Variants in ABCC11 observed in about 807,000 individuals in gnomAD.
The protein encoded by ABCC11 is ATP-binding cassette sub-family C member 11.
In ABCC11, 135 loss-of-function variants were observed where a neutral mutation model predicts 149.3. The observed-to-expected ratio is 0.90, with a 90% CI of 0.79 to 1.04. The LOEUF (loss-of-function observed/expected upper bound fraction) is 1.04, where lower values mean the gene tolerates loss of function less well. Ranked by LOEUF, ABCC11 falls within the 50% of genes least tolerant of loss-of-function variation. The pLI is 0.00. For missense variants in ABCC11, 1,680 were observed against 1,722.1 expected, an observed-to-expected ratio of 0.98 and a Z score of 0.43; for synonymous variants, 665 against 671.4, an observed-to-expected ratio of 0.99 and a Z score of 0.15.
chr16:48,220,479 C>A (rs1180291430), intron 6 of ABCC11, among the ~76,000 whole-genome samples: 2 of 152,188 alleles, frequency 1.3e-5, no homozygotes, highest in East Asian at 3.8e-4. Flanking sequence ...ACAGGGAGAT[C>A]TTTTAGCTGT....
At chr16:48,224,467 G>A (rs1305350988) in intron 4 of ABCC11, 38 bp from the exon 5 acceptor site, 16 of 1,603,086 alleles carry the variant, frequency 1.0e-5, no homozygotes, top group Non-Finnish European at 1.4e-5. Flanking sequence ...GAATCTCTTT[G>A]CATGTGACAT....
intron 6 of ABCC11, among the ~76,000 whole-genome samples, chr16:48,221,917 T>C (rs1481428911): frequency 7.3e-6 from 1 of 137,192 alleles, no homozygotes; most frequent in African/African-American, 2.7e-5. Context: ...AATTTTTGTC[T>C]TTTTTTTTTT....
At chr16:48,197,358 A>G (rs964600473) in intron 17 of ABCC11, among the ~76,000 whole-genome samples, 1 of 152,140 alleles carries the variant, frequency 6.6e-6, no homozygotes, top group Non-Finnish European at 1.5e-5. Flanking sequence ...GGAGCCTACA[A>G]TGTGACAGGT....
In ABCC11 at chr16:48,167,606, T is replaced by C. The variant is rs1965419208; in HGVS notation, c.3946A>G (p.Ile1316Val). The C allele has an allele frequency of 6.2e-7, 1 of 1,612,374 alleles. No individual in the cohort carries two copies. The highest frequency in any genetic ancestry group is 8.5e-7 in the Non-Finnish European group (1 of 1,179,986). ...ASIDMETDTL[I>V]QRTIREAFQG... ...AAGGCTTCACGGATTGTGCGCTGGATCAGGGTGTCTGTCTCCATGTCAATG... is the reference window on the plus strand; with the variant it reads ...AAGGCTTCACGGATTGTGCGCTGGACCAGGGTGTCTGTCTCCATGTCAATG... Residue 1316 changes from isoleucine (I) to valine (V), a missense_variant, in exon 29 of 30, where the codon ATC (isoleucine) becomes GTC (valine). Ile to Val is a conservative substitution (Grantham distance 29). Coordinates refer to ENST00000356608, the MANE Select transcript of ABCC11 (RefSeq NM_001370497.1).
At chr16:48,220,645 T>C (rs1567278101) in intron 6 of ABCC11, among the ~76,000 whole-genome samples, 1 of 152,230 alleles carries the variant, frequency 6.6e-6, no homozygotes. Context: ...GTTGGTTCTA[T>C]TATTATTCCA....
rs1217483837 is a variant in ABCC11, at chr16:48,230,522, C to T, written c.151G>A (p.Glu51Lys). The change falls in exon 3 of 30, where the codon GAG becomes AAG. Residue 51 changes from glutamate to lysine, a missense_variant. By Grantham distance (56) the Glu-to-Lys change is moderately conservative. Transcript: ENST00000356608. The part of the protein sequence containing the change: ...GPWSQQERNP[E>K]APGRAAVPPW... The stretch of plus-strand genomic sequence containing the variant: ...GGGACAGCTGCCCTCCCTGGAGCCT[C>T]AGGATTTCTCTCTTGCTGACTCCAG... 1.9e-6 allele frequency: 3 copies of T among 1,612,532 alleles called. No individual in the cohort carries two copies. The East Asian group carries it at 6.7e-5, about 36-fold the overall frequency.
At chr16:48,217,461 G>T (rs28696036) in intron 6 of ABCC11, among the ~76,000 whole-genome samples, 21,737 of 152,018 alleles carry the variant, frequency 0.14, 2,046 homozygotes, top group African/African-American at 0.27. Context: ...CCAGGCACGG[G>T]GGCACATGCC....
chr16:48,182,610 T>C (rs1015664718), intron 23 of ABCC11, among the ~76,000 whole-genome samples: 7 of 151,906 alleles, frequency 4.6e-5, no homozygotes, highest in African/African-American at 1.7e-4. Flanking sequence ...AAATCCCATC[T>C]CTACTAAAAA....
At chr16:48,173,398 A>G (rs1480581400) in intron 26 of ABCC11, among the ~76,000 whole-genome samples, 3 of 152,168 alleles carry the variant, frequency 2.0e-5, no homozygotes, top group Non-Finnish European at 4.4e-5. Context: ...CATCTGTAAA[A>G]TGGGGATAAT....
chr16:48,169,942 C>A (rs562408856), intron 28 of ABCC11, among the ~76,000 whole-genome samples, 163 bp downstream of exon 28: 1 of 150,186 alleles, frequency 6.7e-6, no homozygotes, highest in Non-Finnish European at 1.5e-5. Flanking sequence ...TGAATAAGCC[C>A]TTTGGATTCT....
chr16:48,187,484 T>TG (rs1966818358), intron 20 of ABCC11, 57 bp from the exon 21 acceptor site: 2 of 1,425,120 alleles, frequency 1.4e-6, no homozygotes. Flanking sequence ...TGCTCAAGAT[T>TG]GGATGAAGAT....
At chr16:48,182,218 A>C (rs1184798401) in intron 23 of ABCC11, among the ~76,000 whole-genome samples, 1 of 152,256 alleles carries the variant, frequency 6.6e-6, no homozygotes, top group East Asian at 1.9e-4. Flanking sequence ...ACTCCAGTAC[A>C]TACATGTGCT....
chr16:48,226,528 T>C (rs8060696), intron 4 of ABCC11, among the ~76,000 whole-genome samples: 19,944 of 151,964 alleles, frequency 0.13, 1,606 homozygotes, highest in African/African-American at 0.23. Flanking sequence ...CTGCCCACCT[T>C]GGCCTCCCAA....
At chr16:48,168,330 A>C (rs1399919549) in intron 28 of ABCC11, among the ~76,000 whole-genome samples, 1 of 151,718 alleles carries the variant, frequency 6.6e-6, no homozygotes, top group South Asian at 2.1e-4. Flanking sequence ...AAAGTACTAC[A>C]TGTACTTTGC....
chr16:48,244,639 C>CGCGGCG, intron 1 of ABCC11: 2 of 1,340,296 alleles, frequency 1.5e-6, no homozygotes. Flanking sequence ...TGGCTGCCCC[C>CGCGGCG]GCGGCGGCGG....
chr16:48,210,994 T>A lies in ABCC11; in HGVS notation c.1562A>T (p.Asn521Ile), dbSNP rs1362511154. ...CTTGTGCAACTCTGGGCCCAGGCTG[T>A]TCCCTTCTTCCTCTGGCCCGAGGGC... Reference protein sequence around the residue: ...RDALGPEEEGNSLGPELHKIN... With the variant: ...RDALGPEEEGISLGPELHKIN... Residue 521 changes from asparagine to isoleucine, a missense_variant, in exon 11 of 30, where the codon AAC becomes ATC. Physicochemically the swap from Asn to Ile is moderately radical, Grantham distance 149. Coordinates refer to ENST00000356608, the MANE Select transcript of ABCC11 (RefSeq NM_001370497.1). 5.0e-6 allele frequency: 8 copies of A among 1,614,170 alleles called. No individual in the cohort carries two copies. Among genetic ancestry groups the A allele is most frequent in the Non-Finnish European group, 6.8e-6 (8 of 1,180,012 alleles).
rs200782116 is a variant in ABCC11 at position 48,175,328 on chromosome 16, C to G, written c.3628G>C (p.Gly1210Arg). 1 of 1,614,158 alleles carries G rather than the reference C, an allele frequency of 6.2e-7. No homozygotes were observed. Among genetic ancestry groups the G allele is most frequent in the East Asian group, 2.2e-5 (1 of 44,882 alleles). ...AGCTTGGACCGCAAGTCCTCCAGGCCGATGCTGCAAATGTCCACGCCGTCA... is the reference window on the plus strand; with the variant it reads ...AGCTTGGACCGCAAGTCCTCCAGGCGGATGCTGCAAATGTCCACGCCGTCA... ...LIDGVDICSI[G>R]LEDLRSKLSV... Residue 1210 changes from glycine to arginine, a missense_variant, in exon 26 of 30, where the codon GGC becomes CGC. By Grantham distance (125) the Gly-to-Arg change is moderately radical. Transcript: ENST00000356608.
intron 9 of ABCC11, among the ~76,000 whole-genome samples, chr16:48,213,896 T>C (rs1969121600): frequency 6.6e-6 from 1 of 152,154 alleles, no homozygotes; most frequent in Non-Finnish European, 1.5e-5. Context: ...TTCATGTGAG[T>C]GAGCATTGCT....
At chr16:48,170,330 G>C in intron 27 of ABCC11, 112 bp from the exon 28 acceptor site, 2 of 804,340 alleles carry the variant, frequency 2.5e-6, no homozygotes, top group Non-Finnish European at 4.1e-6. Flanking sequence ...CTCTCTCTAC[G>C]CTCCAGCCTC....
Sources: gnomAD v4.1 joint callset for allele counts (sites outside exome capture counted in the v4.1 genomes callset) on GRCh38, gnomAD v4.1.1 for gene constraint, MANE v1.5 for transcripts, NCBI Gene and HGNC (gene_info 2026-07-23, HGNC 2026-07-21) for gene names.